Variants in STX3 observed in about 807,000 individuals in gnomAD.
STX3 encodes the protein syntaxin-3.
A neutral mutation model predicts 40.2 loss-of-function variants in STX3; 19 were observed. That is an observed-to-expected ratio of 0.47 (90% CI 0.33 to 0.69). The LOEUF is 0.69. Among genes scored for constraint, STX3 ranks in the 30% least tolerant of loss-of-function variants. The pLI is 0.02. For synonymous variants in STX3, 122 were observed against 132.2 expected (o/e 0.92, Z 0.53); for missense variants, 364 against 366.7 (o/e 0.99, Z 0.06).
intron 2 of STX3, among the ~76,000 whole-genome samples, chr11:59,782,176 C>A (rs1261822370): frequency 6.6e-6 from 1 of 152,170 alleles, no homozygotes; most frequent in Non-Finnish European, 1.5e-5. Context: ...TCGAAAATAA[C>A]TCCTTCCTTT....
chr11:59,803,666 C>T lies in STX3; in HGVS notation c.*2842C>T, dbSNP rs1019316575. Reference sequence around the variant, plus strand: ...CATCTTGAACTTTTTGGAAGAGGGCCGGCCACACAGTAAATTCAAATTAAA... The same window carrying T: ...CATCTTGAACTTTTTGGAAGAGGGCTGGCCACACAGTAAATTCAAATTAAA... On this transcript the variant is annotated 3_prime_UTR_variant, in exon 11 of 11. Coordinates refer to ENST00000337979, the MANE Select transcript of STX3 (RefSeq NM_004177.5). Among the ~76,000 whole-genome samples, 2 of 152,102 alleles carry T rather than the reference C, an allele frequency of 1.3e-5. No homozygotes were observed. Among genetic ancestry groups the T allele is most frequent in the Non-Finnish European group, 1.5e-5 (1 of 68,008 alleles).
At chr11:59,757,688 C>T (rs1416339032) in intron 1 of STX3, among the ~76,000 whole-genome samples, 1 of 152,158 alleles carries the variant, frequency 6.6e-6, no homozygotes, top group Non-Finnish European at 1.5e-5. Context: ...TGCATGGCAG[C>T]GTGGGACAAA....
rs183505688 is a variant in STX3, at chr11:59,792,180, G to A, written c.431G>A (p.Arg144His). ...YNEAQVDFRE[R>H]SKGRIQRQLE... The stretch of plus-strand genomic sequence containing the variant: ...GAAGCTCAAGTGGACTTCCGAGAAC[G>A]CAGCAAAGGGCGAATCCAGCGGCAG... The change falls in exon 6 of 11, where the codon CGC (arginine) becomes CAC (histidine). Residue 144 changes from arginine (R) to histidine (H), a missense_variant. By Grantham distance (29) the Arg-to-His change is conservative. Transcript: ENST00000337979. 46 of 1,614,038 alleles carry A rather than the reference G, an allele frequency of 2.8e-5. No homozygotes were observed. The East Asian group carries it at 8.0e-4, about 28-fold the overall frequency.
At chr11:59,791,760 A>T (rs1865179507) in intron 5 of STX3, among the ~76,000 whole-genome samples, 1 of 152,166 alleles carries the variant, frequency 6.6e-6, no homozygotes, top group South Asian at 2.1e-4. Context: ...GACATGTGGG[A>T]AGGGAATCTG....
intron 4 of STX3, among the ~76,000 whole-genome samples, chr11:59,789,699 T>A (rs1230826581): frequency 3.9e-5 from 6 of 152,202 alleles, no homozygotes; most frequent in African/African-American, 1.4e-4. Flanking sequence ...TGCCTGGGCC[T>A]CCCAAATCGC....
At position 59,798,591 on chromosome 11, in the gene STX3, C is replaced by G. The variant is rs527998718; in HGVS notation, c.*30+1195C>G. Among the ~76,000 whole-genome samples, 564 of 152,018 alleles carry G rather than the reference C, an allele frequency of 3.7e-3. 3 individuals carry two copies. The highest frequency in any genetic ancestry group is 0.013 in the African/African-American group (542 of 41,456). ...CTGGAGTGCAGTGGCGCGATCTCAG[C>G]TCACTGCAGCCTCCGCCTCCTGGGT... On this transcript the variant is annotated intron_variant, in intron 10 of 10. Transcript: ENST00000337979.
chr11:59,795,640 G>T, intron 9 of STX3, 158 bp downstream of exon 9: 1 of 1,538,590 alleles, frequency 6.5e-7, no homozygotes. Flanking sequence ...ACATGGACCA[G>T]TCAGTGGGCT....
intron 1 of STX3, among the ~76,000 whole-genome samples, chr11:59,768,808 TGGTACA>T (rs772232093): frequency 6.6e-6 from 1 of 152,098 alleles, no homozygotes; most frequent in Non-Finnish European, 1.5e-5. Flanking sequence ...ACTGTTGTAA[TGGTACA>T]GGGTCTGCTA....
intron 1 of STX3, among the ~76,000 whole-genome samples, chr11:59,766,587 G>A (rs1863295623): frequency 6.6e-6 from 1 of 152,180 alleles, no homozygotes; most frequent in African/African-American, 2.4e-5. Context: ...AATCTGCACT[G>A]GAAAGCCAAG....
At chr11:59,759,302 G>T (rs1862905707) in intron 1 of STX3, among the ~76,000 whole-genome samples, 1 of 152,152 alleles carries the variant, frequency 6.6e-6, no homozygotes, top group Non-Finnish European at 1.5e-5. Flanking sequence ...TCGCATTGGT[G>T]TATAAACCAT....
In STX3 at chr11:59,805,189, A is replaced by AACAAACGAAC. The variant is rs1555009052; in HGVS notation, c.*4366_*4367insCAAACGAACA. On this transcript the variant is annotated 3_prime_UTR_variant, in exon 11 of 11. Coordinates refer to ENST00000337979, the MANE Select transcript of STX3 (RefSeq NM_004177.5). ...CTAAATTCCATCTAAAAAAAAAAAA[A>AACAAACGAAC]AAACAAAAAAAAAAAACTGTTCTTA... The AACAAACGAAC allele has an allele frequency of 6.7e-6, 1 of 149,586 alleles. No individual in the cohort carries two copies. Among genetic ancestry groups the AACAAACGAAC allele is most frequent in the African/African-American group, 2.5e-5 (1 of 40,238 alleles). 9.3% of individuals were successfully genotyped at this position (149,586 alleles called of 1,614,324 possible). A position where few individuals can be genotyped will look rare whatever the true frequency, so the allele number is the denominator to read the frequency against.
intron 4 of STX3, 74 bp from the exon 5 acceptor site, chr11:59,790,445 A>T: frequency 8.5e-7 from 1 of 1,175,574 alleles, no homozygotes; most frequent in South Asian, 1.2e-5. Flanking sequence ...GGAATGAGTG[A>T]GGAAGTTTCA....
At chr11:59,790,665 T>C in intron 5 of STX3, 79 bp downstream of exon 5, 2 of 1,058,234 alleles carry the variant, frequency 1.9e-6, no homozygotes, top group Admixed American at 2.1e-5. Flanking sequence ...ATTTTTTTTT[T>C]TTAATACAAT....
At chr11:59,775,920 CT>C (rs1375468198) in intron 2 of STX3, among the ~76,000 whole-genome samples, 1 of 152,172 alleles carries the variant, frequency 6.6e-6, no homozygotes, top group Non-Finnish European at 1.5e-5. Context: ...AGAACATGAT[CT>C]TTGAATTAAA....
intron 2 of STX3, chr11:59,781,388 C>G: frequency 1.9e-6 from 3 of 1,601,440 alleles, no homozygotes; most frequent in Non-Finnish European, 2.6e-6. Context: ...TCCCATCTTT[C>G]AATTTTCTTG....
At chr11:59,765,654 A>G (rs756171289) in intron 1 of STX3, among the ~76,000 whole-genome samples, 3 of 152,156 alleles carry the variant, frequency 2.0e-5, no homozygotes, top group Non-Finnish European at 2.9e-5. Context: ...AAATAGAAAA[A>G]TTAGCTGGGT....
At chr11:59,781,242 G>A in intron 2 of STX3, 1 of 1,040,556 alleles carries the variant, frequency 9.6e-7, no homozygotes, top group South Asian at 1.3e-5. Context: ...GAAACAGTAT[G>A]GAGATTTGCT....
In STX3 at chr11:59,802,472, A is replaced by C. The variant is rs550933115; in HGVS notation, c.*1648A>C. On this transcript the variant is annotated 3_prime_UTR_variant, in exon 11 of 11. Transcript: ENST00000337979. The stretch of plus-strand genomic sequence containing the variant: ...GCCGGTCACAATCCAGCACTCAGAC[A>C]GAGCCAAGGCAATATCCTCTTGCCC... The C allele has an allele frequency of 1.0e-6, 1 of 985,894 alleles. No individual in the cohort carries two copies. Among genetic ancestry groups the C allele is most frequent in the East Asian group, 1.1e-4 (1 of 8,822 alleles). The allele number at this position is 985,894 out of a possible 1,614,324, so 61.1% of individuals were successfully genotyped here. A position where few individuals can be genotyped will look rare whatever the true frequency, so the allele number is the denominator to read the frequency against.
intron 3 of STX3, among the ~76,000 whole-genome samples, chr11:59,788,193 T>C (rs1177771323): frequency 6.6e-6 from 1 of 152,218 alleles, no homozygotes; most frequent in African/African-American, 2.4e-5. Context: ...TAGAGGCTTT[T>C]CCAGATCCCT....
Sources: allele counts gnomAD v4.1 joint callset (sites outside exome capture counted in the v4.1 genomes callset), GRCh38; gene constraint gnomAD v4.1.1; transcripts MANE v1.5; gene names NCBI Gene and HGNC (gene_info 2026-07-23, HGNC 2026-07-21).